NAPG: variants seen among roughly 807,000 people sequenced by gnomAD.
NAPG encodes the protein NSF attachment protein gamma.
A neutral mutation model predicts 48.4 loss-of-function variants in NAPG; 25 were observed. The observed-to-expected ratio is 0.52, with a 90% CI of 0.38 to 0.72. NAPG has a LOEUF of 0.72. Ranked by LOEUF, NAPG falls within the 30% of genes least tolerant of loss-of-function variation. NAPG has a pLI of 0.00. For synonymous variants in NAPG, 139 were observed against 127.2 expected, an observed-to-expected ratio of 1.09 and a Z score of -0.62; for missense variants, 359 against 372.5, an observed-to-expected ratio of 0.96 and a Z score of 0.30.
chr18:10,539,789 C>A lies in NAPG; in HGVS notation c.286C>A (p.Gln96Lys). 2 of 1,613,980 alleles carry A rather than the reference C, an allele frequency of 1.2e-6. No individual in the cohort carries two copies. The highest frequency in any genetic ancestry group is 1.1e-5 in the South Asian group (1 of 91,078). ...GATGCAGAAACTACCAGAGGCCGTTCAGCTAATTGAGAAGGCCAGCATGAT... is the reference window on the plus strand; with the variant it reads ...GATGCAGAAACTACCAGAGGCCGTTAAGCTAATTGAGAAGGCCAGCATGAT... ...KEMQKLPEAV[Q>K]LIEKASMMYL... The change falls in exon 6 of 12, where the codon CAG becomes AAG. Residue 96 changes from glutamine to lysine, a missense_variant. Physicochemically the swap from Gln to Lys is moderately conservative, Grantham distance 53. Coordinates refer to ENST00000322897, the MANE Select transcript of NAPG (RefSeq NM_003826.3). The surrounding 1 kb of genome is among the most constrained non-coding windows in gnomAD (Gnocchi z 4.7).
chr18:10,541,342 A>T (rs1567891961), intron 8 of NAPG, among the ~76,000 whole-genome samples: 1 of 152,176 alleles, frequency 6.6e-6, no homozygotes, highest in Non-Finnish European at 1.5e-5. Flanking sequence ...AGGAAAGTTT[A>T]ATTTAAATGT....
rs184158433 is a variant in NAPG, at chr18:10,544,405, A to G, written c.507-1921A>G. Among the ~76,000 whole-genome samples the G allele has an allele frequency of 1.3e-3, 200 of 152,314 alleles. 2 individuals carry two copies. Among genetic ancestry groups the G allele is most frequent in the Non-Finnish European group, 3.5e-4 (24 of 68,036 alleles). ...CACCGGAGGCTTGGGTCCTTTTCCA[A>G]GCTCATTGATTGTTGGCAGAATTGA... On this transcript the variant is annotated intron_variant, in intron 8 of 11. Coordinates refer to ENST00000322897, the MANE Select transcript of NAPG (RefSeq NM_003826.3). The surrounding 1 kb of genome is among the most constrained non-coding windows in gnomAD (Gnocchi z 5.1).
In NAPG at chr18:10,550,064, C is replaced by A; in HGVS notation, c.796-13C>A. On this transcript the variant is annotated splice_polypyrimidine_tract_variant and intron_variant, in intron 11 of 11. Transcript: ENST00000322897. ...GTTATCCAGCTTTTAAGAACATGTT[C>A]TGTTGTTGACAGTATGCTAAGCTGG... The A allele has an allele frequency of 6.6e-7, 1 of 1,520,224 alleles. No homozygotes were observed. Among genetic ancestry groups the A allele is most frequent in the South Asian group, 1.3e-5 (1 of 75,308 alleles). 94.2% of individuals were successfully genotyped at this position (1,520,224 alleles called of 1,614,324 possible).
At position 10,539,773 on chromosome 18, in the gene NAPG, A is replaced by G. The variant is rs1478305952; in HGVS notation, c.270A>G (p.Lys90=). The change falls in exon 6 of 12, where the codon AAA becomes AAG. Residue 90 remains lysine, a synonymous_variant. Coordinates refer to ENST00000322897, the MANE Select transcript of NAPG (RefSeq NM_003826.3). The surrounding 1 kb of genome is among the most constrained non-coding windows in gnomAD (Gnocchi z 4.7). ...QAGMMLKEMQ[K]LPEAVQLIEK... ...TCCTTTGCCCAAAGGAGATGCAGAA[A>G]CTACCAGAGGCCGTTCAGCTAATTG... The G allele has an allele frequency of 3.1e-6, 5 of 1,613,890 alleles. No individual in the cohort carries two copies. Among genetic ancestry groups the G allele is most frequent in the African/African-American group, 2.7e-5 (2 of 74,930 alleles).
chr18:10,526,379 C>G, intron 1 of NAPG: 1 of 547,760 alleles, frequency 1.8e-6, no homozygotes, highest in Middle Eastern at 4.9e-4. Flanking sequence ...TCCACCCCGC[C>G]GGAAGTCCGC....
chr18:10,544,786 A>G lies in NAPG; in HGVS notation c.507-1540A>G, dbSNP rs904555568. ...TCGGGAGCACTCTTAGAATTCTGCTACCAAACCCAGCTTATAAATTGACTT... is the reference window on the plus strand; with the variant it reads ...TCGGGAGCACTCTTAGAATTCTGCTGCCAAACCCAGCTTATAAATTGACTT... On this transcript the variant is annotated intron_variant, in intron 8 of 11. Transcript: ENST00000322897. The surrounding 1 kb of genome is among the most constrained non-coding windows in gnomAD (Gnocchi z 5.1). 6.6e-6 allele frequency among the ~76,000 whole-genome samples: 1 copy of G among 152,224 alleles called. No individual in the cohort carries two copies. The highest frequency in any genetic ancestry group is 1.5e-5 in the Non-Finnish European group (1 of 68,042).
intron 11 of NAPG, 85 bp downstream of exon 11, chr18:10,549,181 A>C (rs1442258394): frequency 3.8e-5 from 56 of 1,481,602 alleles, no homozygotes; most frequent in Non-Finnish European, 9.1e-7. Flanking sequence ...CCATGTACTT[A>C]AGAGATTTTT....
At chr18:10,536,423 C>T (rs1598410322) in intron 5 of NAPG, among the ~76,000 whole-genome samples, 1 of 152,298 alleles carries the variant, frequency 6.6e-6, no homozygotes, top group East Asian at 1.9e-4. Flanking sequence ...TAGACATATG[C>T]ACAAGGGAAG....
Position 10,534,545 on chromosome 18 carries a change from A to G in NAPG, c.258+49A>G, listed in dbSNP as rs936696982. On this transcript the variant is annotated intron_variant, in intron 5 of 11. Transcript: ENST00000322897. This position sits in a 1 kb window ranked among gnomAD's most constrained non-coding sequence, Gnocchi z 5.0. ...GTTGTGTAGGTAAAATGAATTAACT[A>G]CAAGGTGTTAAACAAGAATTTTTGT... 1.9e-6 allele frequency: 3 copies of G among 1,569,410 alleles called. No individual in the cohort carries two copies. The highest frequency in any genetic ancestry group is 1.4e-5 in the African/African-American group (1 of 74,026).
At chr18:10,549,221 T>A (rs777360407) in intron 11 of NAPG, 125 bp downstream of exon 11, 6 of 1,120,356 alleles carry the variant, frequency 5.4e-6, no homozygotes, top group Non-Finnish European at 6.3e-6. Flanking sequence ...CTCAAGCTAC[T>A]ACTCATAAGG....
chr18:10,546,579 T>C lies in NAPG; in HGVS notation c.585+175T>C, dbSNP rs1223113010. 2.7e-5 allele frequency among the ~76,000 whole-genome samples: 4 copies of C among 148,336 alleles called. No individual in the cohort carries two copies. Among genetic ancestry groups the C allele is most frequent in the Admixed American group, 2.0e-4 (3 of 15,160 alleles). ...AGCCCACTACAGCTTGTTTCTCTGC[T>C]GATTACAGCTAAACTACTGGATAAA... On this transcript the variant is annotated intron_variant, in intron 9 of 11. Coordinates refer to ENST00000322897, the MANE Select transcript of NAPG (RefSeq NM_003826.3). This position sits in a 1 kb window ranked among gnomAD's most constrained non-coding sequence, Gnocchi z 4.0.
In NAPG at chr18:10,550,334, T is replaced by A; in HGVS notation, c.*114T>A. ...ACTTCATTACAGTCATGATTTTGGATCCTAATAAAGACTAGTTTTTAGTTA... is the reference window on the plus strand; with the variant it reads ...ACTTCATTACAGTCATGATTTTGGAACCTAATAAAGACTAGTTTTTAGTTA... On this transcript the variant is annotated 3_prime_UTR_variant, in exon 12 of 12. Coordinates refer to ENST00000322897, the MANE Select transcript of NAPG (RefSeq NM_003826.3). 2 of 1,219,924 alleles carry A rather than the reference T, an allele frequency of 1.6e-6. No individual in the cohort carries two copies. The highest frequency in any genetic ancestry group is 2.2e-6 in the Non-Finnish European group (2 of 911,984). 75.6% of individuals were successfully genotyped at this position (1,219,924 alleles called of 1,614,324 possible).
intron 11 of NAPG, 87 bp downstream of exon 11, chr18:10,549,183 G>C: frequency 6.8e-7 from 1 of 1,474,192 alleles, no homozygotes; most frequent in East Asian, 2.3e-5. Flanking sequence ...ATGTACTTAA[G>C]AGATTTTTTC....
rs1290275228 is a variant in NAPG at position 10,534,102 on chromosome 18, G to A, written c.228-364G>A. On this transcript the variant is annotated intron_variant, in intron 4 of 11. Coordinates refer to ENST00000322897, the MANE Select transcript of NAPG (RefSeq NM_003826.3). This position sits in a 1 kb window ranked among gnomAD's most constrained non-coding sequence, Gnocchi z 5.0. The stretch of plus-strand genomic sequence containing the variant: ...ATGGAGGTTGCAGTGAGCTGAGATC[G>A]TGCCTCTGCTCTCCAGCCTGGGCGA... Among the ~76,000 whole-genome samples the A allele has an allele frequency of 1.3e-5, 2 of 152,214 alleles. No homozygotes were observed. The highest frequency in any genetic ancestry group is 1.9e-4 in the East Asian group (1 of 5,178).
At chr18:10,535,631 G>A (rs1598410141) in intron 5 of NAPG, among the ~76,000 whole-genome samples, 3 of 152,170 alleles carry the variant, frequency 2.0e-5, no homozygotes, top group Admixed American at 2.0e-4. Context: ...CATGGTGGCG[G>A]GCGCCTGTAA....
chr18:10,546,690 T>C lies in NAPG; in HGVS notation c.585+286T>C, dbSNP rs549867913. On this transcript the variant is annotated intron_variant, in intron 9 of 11. Transcript: ENST00000322897. This position sits in a 1 kb window ranked among gnomAD's most constrained non-coding sequence, Gnocchi z 4.0. ...CAAACACGTGGAGAAACAACCACCATGGGAATGAGTTTCTCGGGTTTTTTT... is the reference window on the plus strand; with the variant it reads ...CAAACACGTGGAGAAACAACCACCACGGGAATGAGTTTCTCGGGTTTTTTT... Among the ~76,000 whole-genome samples the C allele has an allele frequency of 1.1e-3, 173 of 152,312 alleles. No individual in the cohort carries two copies. Among genetic ancestry groups the C allele is most frequent in the African/African-American group, 4.1e-3 (169 of 41,574 alleles).
chr18:10,540,031 C>G lies in NAPG; in HGVS notation c.412C>G (p.Gln138Glu), dbSNP rs1017355639. ...TCCAGAGAAGGCTGTACAGTTATAT[C>G]AACAGACAGCTAATGTGTTTGAAGT... is the stretch of plus-strand genomic sequence containing the variant. ...VDPEKAVQLY[Q>E]QTANVFENEE... Residue 138 changes from glutamine (Q) to glutamate (E), a missense_variant, in exon 7 of 12, where the codon CAA becomes GAA. By Grantham distance (29) the Gln-to-Glu change is conservative. Transcript: ENST00000322897. The G allele has an allele frequency of 1.9e-6, 3 of 1,590,004 alleles. No homozygotes were observed. The highest frequency in any genetic ancestry group is 2.6e-6 in the Non-Finnish European group (3 of 1,166,942).
chr18:10,541,214 A>G (rs542280514), intron 8 of NAPG, among the ~76,000 whole-genome samples: 8 of 152,364 alleles, frequency 5.3e-5, no homozygotes, highest in East Asian at 1.9e-4. Context: ...AGAATTAACT[A>G]TTAAACAATC....
Position 10,539,622 on chromosome 18 carries a change from A to G in NAPG, c.259-140A>G, listed in dbSNP as rs535998766. 5 of 685,054 alleles carry G rather than the reference A, an allele frequency of 7.3e-6. No individual in the cohort carries two copies. Among genetic ancestry groups the G allele is most frequent in the Non-Finnish European group, 1.3e-5 (5 of 394,874 alleles). The allele number at this position is 685,054 out of a possible 1,614,324, so 42.4% of individuals were successfully genotyped here. A position where few individuals can be genotyped will look rare whatever the true frequency, so the allele number is the denominator to read the frequency against. Reference sequence around the variant, plus strand: ...TATAGCAAACCACCATGGGACATGTATACCTATGTAACAAACCTGCACATT... The same window carrying G: ...TATAGCAAACCACCATGGGACATGTGTACCTATGTAACAAACCTGCACATT... On this transcript the variant is annotated intron_variant, in intron 5 of 11. Coordinates refer to ENST00000322897, the MANE Select transcript of NAPG (RefSeq NM_003826.3). The surrounding 1 kb of genome is among the most constrained non-coding windows in gnomAD (Gnocchi z 4.7).
Sources: allele counts gnomAD v4.1 joint callset (sites outside exome capture counted in the v4.1 genomes callset), GRCh38; gene constraint gnomAD v4.1.1; non-coding constraint Gnocchi (gnomAD v3.1); transcripts MANE v1.5; gene names NCBI Gene and HGNC (gene_info 2026-07-23, HGNC 2026-07-21).